KHDRBS2: variants seen among roughly 807,000 people sequenced by gnomAD.
The protein encoded by KHDRBS2 is KH domain-containing, RNA-binding, signal transduction-associated protein 2.
In KHDRBS2, 26 loss-of-function variants were observed where a neutral mutation model predicts 44.3. That is an observed-to-expected ratio of 0.59 (90% CI 0.43 to 0.81). The LOEUF is 0.81. Ranked by LOEUF, KHDRBS2 falls within the 40% of genes least tolerant of loss-of-function variation. The pLI is 0.00. For synonymous variants in KHDRBS2, 194 were observed against 151.1 expected (o/e 1.28, Z -2.08); for missense variants, 476 against 433.1 (o/e 1.10, Z -0.88).
chr6:61,752,961 C>A (rs1297999815), intron 6 of KHDRBS2, among the ~76,000 whole-genome samples: 1 of 152,042 alleles, frequency 6.6e-6, no homozygotes, highest in Non-Finnish European at 1.5e-5. Context: ...ATTTTAAAAG[C>A]AGACTTGCAG....
At chr6:61,976,333 T>C (rs1258278924) in intron 4 of KHDRBS2, among the ~76,000 whole-genome samples, 1 of 152,136 alleles carries the variant, frequency 6.6e-6, no homozygotes, top group African/African-American at 2.4e-5. Flanking sequence ...ACACAGTATA[T>C]ATTTCAGTGG....
chr6:61,588,473 TA>T, the KHDRBS2 span, among the ~76,000 whole-genome samples: 4 of 152,206 alleles, frequency 2.6e-5, no homozygotes, highest in Non-Finnish European at 4.4e-5. Context: ...TCACATGATT[TA>T]AATTGGTAAA....
At chr6:61,825,770 A>C (rs1472299872) in intron 6 of KHDRBS2, among the ~76,000 whole-genome samples, 6 of 152,140 alleles carry the variant, frequency 3.9e-5, no homozygotes, top group Non-Finnish European at 8.8e-5. Context: ...TATGTGGGCT[A>C]GGGAAAGCGA....
chr6:61,899,393 A>C (rs1238739920), intron 5 of KHDRBS2, among the ~76,000 whole-genome samples: 2 of 151,938 alleles, frequency 1.3e-5, no homozygotes, highest in Non-Finnish European at 2.9e-5. Context: ...ATATCAGTAC[A>C]GCATTGGAAG....
chr6:61,914,871 A>G (rs944599345), intron 4 of KHDRBS2, among the ~76,000 whole-genome samples: 9 of 152,122 alleles, frequency 5.9e-5, no homozygotes, highest in African/African-American at 1.7e-4. Context: ...AAGACATCCA[A>G]TGATCAAAAA....
chr6:61,610,657 C>T, the KHDRBS2 span, among the ~76,000 whole-genome samples: 5 of 152,238 alleles, frequency 3.3e-5, no homozygotes, highest in East Asian at 9.7e-4. Flanking sequence ...AGTTGTCTCT[C>T]CCTAGAGCAA....
the KHDRBS2 span, among the ~76,000 whole-genome samples, chr6:61,640,326 A>G: frequency 1.3e-5 from 2 of 152,124 alleles, no homozygotes; most frequent in African/African-American, 4.8e-5. Context: ...AAATATACAT[A>G]AAGTAAAATG....
At chr6:62,283,668 G>A (rs1423383515) in intron 1 of KHDRBS2, among the ~76,000 whole-genome samples, 1 of 152,046 alleles carries the variant, frequency 6.6e-6, no homozygotes, top group Non-Finnish European at 1.5e-5. Context: ...CTCTTCTATA[G>A]AGATCTGAAA....
chr6:61,894,759 G>C lies in KHDRBS2; in HGVS notation c.686C>G (p.Thr229Ser). Residue 229 changes from threonine to serine, a missense_variant, in exon 6 of 9, where the codon ACC becomes AGC. Physicochemically the swap from Thr to Ser is moderately conservative, Grantham distance 58. Coordinates refer to ENST00000281156, the MANE Select transcript of KHDRBS2 (RefSeq NM_152688.4). ...AGGTGGCACTGGAAGCGCTCCACGG[G>C]TTACAGTGCTTCCCCGAGGGGTGAG... ...GVLTPRGSTV[T>S]RGALPVPPVA... is the part of the protein sequence containing the mutation. 3.7e-6 allele frequency: 6 copies of C among 1,613,646 alleles called. No homozygotes were observed. The highest frequency in any genetic ancestry group is 5.1e-6 in the Non-Finnish European group (6 of 1,179,824).
the KHDRBS2 span, among the ~76,000 whole-genome samples, chr6:61,545,001 A>G: frequency 3.3e-5 from 5 of 152,084 alleles, no homozygotes; most frequent in African/African-American, 1.2e-4. Flanking sequence ...TAATGGGTGC[A>G]GCACACCAAC....
chr6:61,589,557 C>T, the KHDRBS2 span, among the ~76,000 whole-genome samples: 2 of 152,094 alleles, frequency 1.3e-5, no homozygotes, highest in African/African-American at 2.4e-5. Flanking sequence ...GACCTGAAAA[C>T]ATTATGAACT....
intron 5 of KHDRBS2, among the ~76,000 whole-genome samples, chr6:61,896,137 A>G (rs987603772): frequency 2.0e-5 from 3 of 152,160 alleles, no homozygotes; most frequent in Non-Finnish European, 4.4e-5. Context: ...ACATAAAGGG[A>G]TGTAAAAACC....
intron 2 of KHDRBS2, among the ~76,000 whole-genome samples, chr6:62,131,014 A>G (rs1392436263): frequency 1.3e-5 from 2 of 152,112 alleles, no homozygotes; most frequent in Non-Finnish European, 2.9e-5. Flanking sequence ...TAATAATGCT[A>G]TAAGAATTAA....
chr6:62,217,176 T>C (rs1370558260), intron 1 of KHDRBS2, among the ~76,000 whole-genome samples: 3 of 151,796 alleles, frequency 2.0e-5, no homozygotes, highest in Non-Finnish European at 4.4e-5. Flanking sequence ...GCAATGTCTC[T>C]TCGCCGTTTT....
At chr6:61,703,514 T>G (rs1019521389) in intron 7 of KHDRBS2, among the ~76,000 whole-genome samples, 1 of 151,882 alleles carries the variant, frequency 6.6e-6, no homozygotes, top group Non-Finnish European at 1.5e-5. Context: ...CTTATTATAC[T>G]GTGCATTTAT....
At chr6:61,762,326 G>A (rs1779382464) in intron 6 of KHDRBS2, among the ~76,000 whole-genome samples, 1 of 152,148 alleles carries the variant, frequency 6.6e-6, no homozygotes, top group Admixed American at 6.6e-5. Context: ...AAACAGAACA[G>A]GGATGGATTG....
At chr6:62,109,097 T>TAA (rs1396955143) in intron 2 of KHDRBS2, among the ~76,000 whole-genome samples, 16 of 103,876 alleles carry the variant, frequency 1.5e-4, no homozygotes, top group Non-Finnish European at 4.6e-5. Context: ...TAAAGTATAA[T>TAA]AATAAAAAAA....
At chr6:62,131,278 A>G (rs1229607968) in intron 2 of KHDRBS2, among the ~76,000 whole-genome samples, 1 of 152,198 alleles carries the variant, frequency 6.6e-6, no homozygotes, top group Non-Finnish European at 1.5e-5. Flanking sequence ...TAGCTTTCTC[A>G]TTTGTTAAGT....
chr6:61,893,710 G>A (rs1386188588), intron 6 of KHDRBS2, among the ~76,000 whole-genome samples: 1 of 152,070 alleles, frequency 6.6e-6, no homozygotes, highest in Non-Finnish European at 1.5e-5. Flanking sequence ...GGGAACACAT[G>A]GACACAGGAA....
Sources: allele counts gnomAD v4.1 joint callset (sites outside exome capture counted in the v4.1 genomes callset), GRCh38; gene constraint gnomAD v4.1.1; transcripts MANE v1.5; gene names NCBI Gene and HGNC (gene_info 2026-07-23, HGNC 2026-07-21).